FOXN4: variants seen among roughly 807,000 people sequenced by gnomAD.
FOXN4 encodes the protein forkhead box N4.
A neutral mutation model predicts 45.0 loss-of-function variants in FOXN4; 12 were observed. The ratio of observed to expected loss-of-function variants is 0.27; its 90% CI spans 0.17 to 0.43. The LOEUF is 0.43. Among genes scored for constraint, FOXN4 ranks in the 20% least tolerant of loss-of-function variants. FOXN4 has a pLI of 1.00. For synonymous variants in FOXN4, 297 were observed against 295.0 expected (o/e 1.01, Z -0.07); for missense variants, 560 against 694.9 (o/e 0.81, Z 2.18).
chr12:109,296,186 A>G (rs1204987208), intron 2 of FOXN4, among the ~76,000 whole-genome samples: 1 of 152,188 alleles, frequency 6.6e-6, no homozygotes, highest in Non-Finnish European at 1.5e-5. Context: ...TTTCTGGGGA[A>G]GAGGCCGGGT....
At chr12:109,306,603 T>C (rs1447093953) in intron 2 of FOXN4, among the ~76,000 whole-genome samples, 5 of 152,256 alleles carry the variant, frequency 3.3e-5, no homozygotes, top group Non-Finnish European at 5.9e-5. Flanking sequence ...ATATATCATT[T>C]AACCCTCCAG....
At chr12:109,299,808 T>A (rs569993074) in intron 2 of FOXN4, among the ~76,000 whole-genome samples, 1 of 152,342 alleles carries the variant, frequency 6.6e-6, no homozygotes, top group East Asian at 1.9e-4. Flanking sequence ...TATTACTTCA[T>A]GGGTGTTACC....
chr12:109,298,243 T>C (rs902964284), intron 2 of FOXN4, among the ~76,000 whole-genome samples: 3 of 151,478 alleles, frequency 2.0e-5, no homozygotes, highest in African/African-American at 7.3e-5. Context: ...CCCAGACCTA[T>C]CCAAGCAGTA....
chr12:109,308,573 G>A (rs561402596), intron 1 of FOXN4, among the ~76,000 whole-genome samples: 10 of 152,278 alleles, frequency 6.6e-5, no homozygotes, highest in African/African-American at 1.9e-4. Flanking sequence ...CGAATTAATG[G>A]GGGAAGAGCA....
chr12:109,290,329 G>C lies in FOXN4; in HGVS notation c.87-43C>G. ...GAACTCGGGCGGGAGGGGGAGCTTA[G>C]GCCAGCTCCTGGGGGTGCGTCCCGA... On this transcript the variant is annotated intron_variant, in intron 2 of 9. Transcript: ENST00000299162. The surrounding 1 kb of genome is among the most constrained non-coding windows in gnomAD (Gnocchi z 5.1). 6.6e-7 allele frequency: 1 copy of C among 1,507,420 alleles called. No homozygotes were observed. The allele number at this position is 1,507,420 out of a possible 1,614,324, so 93.4% of individuals were successfully genotyped here. A position where few individuals can be genotyped will look rare whatever the true frequency, so the allele number is the denominator to read the frequency against.
intron 8 of FOXN4, 50 bp from the exon 9 acceptor site, chr12:109,281,849 G>A (rs201346553): frequency 1.5e-5 from 22 of 1,507,356 alleles, no homozygotes; most frequent in Non-Finnish European, 1.9e-5. Context: ...CAGTTACCGG[G>A]CCCCAGCCCA....
intron 2 of FOXN4, among the ~76,000 whole-genome samples, chr12:109,305,477 C>T (rs1457638244): frequency 6.6e-6 from 1 of 152,158 alleles, no homozygotes; most frequent in Non-Finnish European, 1.5e-5. Context: ...CCTATAATCC[C>T]AGCACTTTGG....
intron 7 of FOXN4, 78 bp from the exon 8 acceptor site, chr12:109,285,589 T>G: frequency 1.3e-6 from 2 of 1,484,220 alleles, no homozygotes; most frequent in Non-Finnish European, 1.9e-6. Flanking sequence ...CTCAGGCCTA[T>G]AGGGGCAGGA....
rs1198698110 is a variant in FOXN4 at position 109,286,921 on chromosome 12, C to T, written c.597-177G>A. The T allele has an allele frequency of 3.2e-5, 45 of 1,414,926 alleles. 1 individual carries two copies. The highest frequency in any genetic ancestry group is 9.2e-7 in the Non-Finnish European group (1 of 1,084,178). 87.6% of individuals were successfully genotyped at this position (1,414,926 alleles called of 1,614,324 possible). A position where few individuals can be genotyped will look rare whatever the true frequency, so the allele number is the denominator to read the frequency against. On this transcript the variant is annotated intron_variant, in intron 6 of 9. Coordinates refer to ENST00000299162, the MANE Select transcript of FOXN4 (RefSeq NM_213596.3). Reference sequence around the variant, plus strand: ...TTTCATGGCCCGATGTCTTTCCCACCCTTTGCCCTTTCTCCTTGATCTGGG... The same window carrying T: ...TTTCATGGCCCGATGTCTTTCCCACTCTTTGCCCTTTCTCCTTGATCTGGG...
chr12:109,286,966 T>C (rs546122052), intron 6 of FOXN4: 3 of 1,183,732 alleles, frequency 2.5e-6, no homozygotes, highest in South Asian at 1.7e-5. Context: ...TGGTACTGAC[T>C]TGAGAAATCT....
intron 2 of FOXN4, among the ~76,000 whole-genome samples, chr12:109,304,251 G>GA (rs1173153782): frequency 1.2e-5 from 1 of 85,592 alleles, no homozygotes; most frequent in Non-Finnish European, 2.3e-5. Context: ...AAGAAAGAAA[G>GA]AAAGAAAGAA....
At chr12:109,282,167 C>T (rs948066250) in intron 8 of FOXN4, among the ~76,000 whole-genome samples, 9 of 152,132 alleles carry the variant, frequency 5.9e-5, no homozygotes, top group East Asian at 3.9e-4. Flanking sequence ...GAATAAGAGA[C>T]GACATCAAAG....
In FOXN4 at chr12:109,281,595, G is replaced by C. The variant is rs1214297617; in HGVS notation, c.1106C>G (p.Ala369Gly). ...VPLHHQVQPQ[A>G]HLAPDSPAPA... ...TGCTGGAGAGTCTGGAGCAAGATGTGCCTGGGGCTGGACCTGGTGGTGCAG... is the reference window on the plus strand; with the variant it reads ...TGCTGGAGAGTCTGGAGCAAGATGTCCCTGGGGCTGGACCTGGTGGTGCAG... Residue 369 changes from alanine to glycine, a missense_variant, in exon 9 of 10, where the codon GCA becomes GGA. Around this residue, in one of 5 missense-constraint regions of FOXN4, gnomAD observed 315 missense variants for 350.5 expected, o/e 0.90. Transcript: ENST00000299162. 6.2e-7 allele frequency: 1 copy of C among 1,607,424 alleles called. No homozygotes were observed. The highest frequency in any genetic ancestry group is 8.5e-7 in the Non-Finnish European group (1 of 1,176,958).
chr12:109,279,946 GCA>G lies in FOXN4; in HGVS notation c.1295-18_1295-17del. 2 of 1,612,594 alleles carry G rather than the reference GCA, an allele frequency of 1.2e-6. No individual in the cohort carries two copies. The highest frequency in any genetic ancestry group is 1.7e-6 in the Non-Finnish European group (2 of 1,178,872). ...CACAGGTTCCCTTTCAAAGACAAAA[GCA>G]TTAGGGTGAGCTGGCTTCCCATCAA... On this transcript the variant is annotated splice_polypyrimidine_tract_variant and intron_variant, in intron 9 of 9. Transcript: ENST00000299162.
At chr12:109,296,662 A>G (rs1448835244) in intron 2 of FOXN4, among the ~76,000 whole-genome samples, 1 of 152,190 alleles carries the variant, frequency 6.6e-6, no homozygotes, top group Non-Finnish European at 1.5e-5. Flanking sequence ...CAGCCCCCAG[A>G]GACCCTGATG....
Position 109,290,298 on chromosome 12 carries a change from A to T in FOXN4, c.87-12T>A. 6.5e-7 allele frequency: 1 copy of T among 1,539,458 alleles called. No individual in the cohort carries two copies. The highest frequency in any genetic ancestry group is 8.8e-7 in the Non-Finnish European group (1 of 1,139,368). The stretch of plus-strand genomic sequence containing the variant: ...TGGTGGCTAGAAGCCTGCAAAGAGG[A>T]ACAGAGAACTCGGGCGGGAGGGGGA... On this transcript the variant is annotated splice_polypyrimidine_tract_variant and intron_variant, in intron 2 of 9. Coordinates refer to ENST00000299162, the MANE Select transcript of FOXN4 (RefSeq NM_213596.3). This position sits in a 1 kb window ranked among gnomAD's most constrained non-coding sequence, Gnocchi z 5.1.
At chr12:109,293,641 G>T (rs2047790369) in intron 2 of FOXN4, among the ~76,000 whole-genome samples, 1 of 152,196 alleles carries the variant, frequency 6.6e-6, no homozygotes. Flanking sequence ...GGAAGTACAG[G>T]CACGCGCCAC....
chr12:109,307,570 T>A (rs1158167272), intron 2 of FOXN4, among the ~76,000 whole-genome samples: 1 of 152,156 alleles, frequency 6.6e-6, no homozygotes, highest in Non-Finnish European at 1.5e-5. Flanking sequence ...AAGGCCTTTT[T>A]GGCTATGATG....
chr12:109,308,729 CAT>C (rs545328048), intron 1 of FOXN4, among the ~76,000 whole-genome samples: 294 of 152,226 alleles, frequency 1.9e-3, no homozygotes, highest in African/African-American at 6.4e-3. Context: ...CTGGATGTGA[CAT>C]GTGTATTTCT....
Sources: gnomAD v4.1 joint callset for allele counts (sites outside exome capture counted in the v4.1 genomes callset) on GRCh38, gnomAD v4.1.1 for gene constraint, gnomAD v4.1.1 regional missense constraint, Gnocchi (gnomAD v3.1) non-coding constraint, MANE v1.5 for transcripts, NCBI Gene and HGNC (gene_info 2026-07-23, HGNC 2026-07-21) for gene names.